The following USP7 variants were observed in gnomAD, a reference collection of about 807,000 sequenced individuals.
The protein encoded by USP7 is ubiquitin C-terminal hydrolase 7.
USP7 carries 9 observed loss-of-function variants against 162.9 expected under a neutral mutation model. That is an observed-to-expected ratio of 0.06 (90% CI 0.03 to 0.10). USP7 has a LOEUF of 0.10. Among genes scored for constraint, USP7 ranks in the 10% least tolerant of loss-of-function variants. The probability of loss-of-function intolerance (pLI) is 1.00; values close to 1 mark genes in which losing one functional copy is unlikely to be tolerated. For missense variants in USP7, 715 were observed against 1,373.7 expected (o/e 0.52, Z 7.58); for synonymous variants, 562 against 475.9 (o/e 1.18, Z -2.35).
intron 5 of USP7, among the ~76,000 whole-genome samples, chr16:8,919,490 G>A (rs772256210): frequency 3.9e-5 from 6 of 151,998 alleles, no homozygotes; most frequent in Non-Finnish European, 8.8e-5. Flanking sequence ...CACACGCAAG[G>A]TCAGCACAAC....
chr16:8,902,243 C>T lies in USP7; in HGVS notation c.1942-56G>A, dbSNP rs929854843. The T allele has an allele frequency of 7.6e-6, 12 of 1,589,090 alleles. No individual in the cohort carries two copies. The Admixed American group carries it at 1.0e-4, about 14-fold the overall frequency. ...GAGTCTAATGGCTTAGGTGACAGAG[C>T]GAAAAACTACAGTCAAGTATTGAAG... On this transcript the variant is annotated intron_variant, in intron 17 of 30. Transcript: ENST00000344836.
intron 10 of USP7, among the ~76,000 whole-genome samples, chr16:8,912,510 A>G (rs890553843): frequency 9.2e-5 from 14 of 152,086 alleles, no homozygotes; most frequent in African/African-American, 4.8e-5. Context: ...AGAAGCTGAA[A>G]CCACCACCCA....
At chr16:8,935,997 T>A (rs1427237674) in intron 1 of USP7, 1 of 152,198 alleles carries the variant, frequency 6.6e-6, no homozygotes, top group Non-Finnish European at 1.5e-5. Flanking sequence ...TGGCTGGCTT[T>A]CATATTTTCT....
chr16:8,901,285 G>C (rs760418018), intron 18 of USP7, 51 bp from the exon 19 acceptor site: 3 of 1,292,312 alleles, frequency 2.3e-6, no homozygotes, highest in African/African-American at 3.1e-5. Flanking sequence ...TCAGCACAAT[G>C]CTTAAAAAAC....
intron 1 of USP7, among the ~76,000 whole-genome samples, chr16:8,937,471 G>A (rs890762217): frequency 2.6e-5 from 4 of 152,214 alleles, no homozygotes; most frequent in Non-Finnish European, 5.9e-5. Flanking sequence ...GAACCCAGGA[G>A]GCGGAGGTTG....
intron 1 of USP7, chr16:8,936,480 G>T: frequency 8.0e-7 from 1 of 1,246,296 alleles, no homozygotes; most frequent in Non-Finnish European, 1.1e-6. Context: ...ATGTCTAGAT[G>T]TATAGCCCCA....
At chr16:8,934,606 G>T (rs1161799286) in intron 1 of USP7, among the ~76,000 whole-genome samples, 1 of 152,200 alleles carries the variant, frequency 6.6e-6, no homozygotes, top group African/African-American at 2.4e-5. Flanking sequence ...CCTTGAAAAC[G>T]CAAAGCAAGC....
chr16:8,945,127 GCGC>G (rs1229100408), intron 1 of USP7, among the ~76,000 whole-genome samples: 1 of 152,086 alleles, frequency 6.6e-6, no homozygotes, highest in African/African-American at 2.4e-5. Context: ...GTGGTGGCGG[GCGC>G]CTGTAATCTC....
At chr16:8,939,231 C>T (rs1898919308) in intron 1 of USP7, among the ~76,000 whole-genome samples, 2 of 152,202 alleles carry the variant, frequency 1.3e-5, no homozygotes, top group Non-Finnish European at 2.9e-5. Context: ...ACAAGGATCC[C>T]TCCAGTGGCC....
chr16:8,962,604 G>A (rs1015552442), intron 1 of USP7: 1 of 306,616 alleles, frequency 3.3e-6, no homozygotes, highest in Non-Finnish European at 6.9e-6. Flanking sequence ...CCGAAAAACA[G>A]GTGGATTCGG....
At chr16:8,904,844 C>G (rs892007217) in intron 14 of USP7, among the ~76,000 whole-genome samples, 1 of 151,862 alleles carries the variant, frequency 6.6e-6, no homozygotes, top group South Asian at 2.1e-4. Context: ...TGGTGGCAGA[C>G]GCCTGTAGTC....
At chr16:8,913,175 G>C (rs940229027) in intron 10 of USP7, among the ~76,000 whole-genome samples, 1 of 152,200 alleles carries the variant, frequency 6.6e-6, no homozygotes, top group Non-Finnish European at 1.5e-5. Flanking sequence ...GCCCAACATG[G>C]TGAAACCTCG....
In USP7 at chr16:8,963,685, C is replaced by T. The variant is rs1432811020; in HGVS notation, c.-400G>A. On this transcript the variant is annotated 5_prime_UTR_variant, in exon 1 of 31. Coordinates refer to ENST00000344836, the MANE Select transcript of USP7 (RefSeq NM_003470.3). ...CGGTCGGGGGCCGCGGAGTCAGCCCCGCCTCGGGCCGGGCGCGGCGGACGG... is the reference window on the plus strand; with the variant it reads ...CGGTCGGGGGCCGCGGAGTCAGCCCTGCCTCGGGCCGGGCGCGGCGGACGG... Among the ~76,000 whole-genome samples the T allele has an allele frequency of 7.0e-6, 1 of 142,036 alleles. No individual in the cohort carries two copies. Among genetic ancestry groups the T allele is most frequent in the African/African-American group, 2.5e-5 (1 of 39,572 alleles). 93.2% of individuals were successfully genotyped at this position (142,036 alleles called of 152,430 possible).
At chr16:8,952,825 G>C (rs958372055) in intron 1 of USP7, among the ~76,000 whole-genome samples, 1 of 151,228 alleles carries the variant, frequency 6.6e-6, no homozygotes, top group Middle Eastern at 3.2e-3. Flanking sequence ...CCTCCCGCCT[G>C]TGACCACACT....
In USP7 at chr16:8,901,247, T is replaced by C; in HGVS notation, c.2048-13A>G. The C allele has an allele frequency of 6.3e-7, 1 of 1,588,478 alleles. No individual in the cohort carries two copies. The highest frequency in any genetic ancestry group is 1.1e-5 in the South Asian group (1 of 90,526). ...AACATTACATCATCTACAAGGTTAA[T>C]AAACAAGTTTTGTTAAGATCCAAAC... is the stretch of plus-strand genomic sequence containing the variant. On this transcript the variant is annotated splice_polypyrimidine_tract_variant and intron_variant, in intron 18 of 30. Transcript: ENST00000344836.
At chr16:8,949,291 C>T (rs1457612846) in intron 1 of USP7, among the ~76,000 whole-genome samples, 3 of 152,198 alleles carry the variant, frequency 2.0e-5, no homozygotes, top group South Asian at 2.1e-4. Flanking sequence ...CATTTAACAT[C>T]GTGGCACGTT....
chr16:8,909,726 G>C (rs962218254), intron 11 of USP7, among the ~76,000 whole-genome samples: 1 of 152,186 alleles, frequency 6.6e-6, no homozygotes. Flanking sequence ...AGGGGTTTGA[G>C]ACCTGCCTGG....
intron 11 of USP7, among the ~76,000 whole-genome samples, chr16:8,908,932 G>A (rs151123565): frequency 2.0e-5 from 3 of 152,354 alleles, no homozygotes; most frequent in East Asian, 1.9e-4. Flanking sequence ...AGGATTATAA[G>A]CTTCCTTTCC....
chr16:8,920,879 T>C (rs1897654540), intron 4 of USP7, among the ~76,000 whole-genome samples: 1 of 152,192 alleles, frequency 6.6e-6, no homozygotes, highest in East Asian at 1.9e-4. Context: ...TATGCCTGAA[T>C]CATGAAAGGA....
Sources: gnomAD v4.1 joint callset for allele counts (sites outside exome capture counted in the v4.1 genomes callset) on GRCh38, gnomAD v4.1.1 for gene constraint, MANE v1.5 for transcripts, NCBI Gene and HGNC (gene_info 2026-07-23, HGNC 2026-07-21) for gene names.